DRC3: variants seen among roughly 807,000 people sequenced by gnomAD.
DRC3 encodes the protein dynein regulatory complex subunit 3.
A neutral mutation model predicts 57.6 loss-of-function variants in DRC3; 45 were observed. The observed-to-expected ratio is 0.78, with a 90% CI of 0.62 to 1.00. The LOEUF is 1.00. DRC3 is among the 50% of genes least tolerant of loss of function. The pLI, the probability that DRC3 is intolerant of heterozygous loss-of-function variation, is 0.00. For missense variants in DRC3, 655 were observed against 675.2 expected, an observed-to-expected ratio of 0.97 and a Z score of 0.33; for synonymous variants, 257 against 272.3, an observed-to-expected ratio of 0.94 and a Z score of 0.55.
chr17:17,994,441 G>A (rs766262545), intron 7 of DRC3, 23 bp downstream of exon 7: 20 of 1,548,984 alleles, frequency 1.3e-5, no homozygotes, highest in African/African-American at 2.7e-5. Flanking sequence ...CAGGCTGCAC[G>A]CCCTCGGCCC....
At chr17:17,976,022 A>C (rs952417357) in intron 2 of DRC3, among the ~76,000 whole-genome samples, 2 of 152,164 alleles carry the variant, frequency 1.3e-5, no homozygotes, top group Non-Finnish European at 2.9e-5. Context: ...TTCAGCAGAC[A>C]CCATCAGCCC....
chr17:18,004,598 G>A, intron 10 of DRC3, 104 bp downstream of exon 10: 1 of 1,330,040 alleles, frequency 7.5e-7, no homozygotes, highest in East Asian at 2.5e-5. Context: ...GAAACGTCCA[G>A]CACGACTCAG....
chr17:18,012,275 A>G (rs1033505068), intron 12 of DRC3, among the ~76,000 whole-genome samples: 2 of 152,236 alleles, frequency 1.3e-5, no homozygotes, highest in Admixed American at 1.3e-4. Context: ...CAGTCTCTTC[A>G]ATAGATTTTG....
At chr17:18,010,731 A>T in intron 12 of DRC3, 1 of 192,176 alleles carries the variant, frequency 5.2e-6, no homozygotes, top group Non-Finnish European at 1.1e-5. Context: ...TGGGGCTAGG[A>T]TTGTGGCCAT....
At chr17:17,986,802 A>G (rs529925982) in intron 4 of DRC3, among the ~76,000 whole-genome samples, 5 of 152,152 alleles carry the variant, frequency 3.3e-5, no homozygotes, top group Non-Finnish European at 7.3e-5. Context: ...TGTGGTTATC[A>G]TGCTCATATT....
chr17:18,004,267 C>T (rs1370456630), intron 9 of DRC3, 96 bp from the exon 10 acceptor site: 7 of 1,360,160 alleles, frequency 5.1e-6, no homozygotes, highest in East Asian at 5.0e-5. Flanking sequence ...CAGGCTGACT[C>T]GAGTCCAAAT....
chr17:18,006,350 G>A (rs909446297), intron 11 of DRC3, 97 bp downstream of exon 11: 7 of 903,642 alleles, frequency 7.7e-6, no homozygotes, highest in African/African-American at 6.6e-5. Flanking sequence ...CAGGGTCTGA[G>A]GAGGTTTCCC....
At chr17:17,977,193 A>C (rs981141654) in intron 2 of DRC3, among the ~76,000 whole-genome samples, 1 of 152,226 alleles carries the variant, frequency 6.6e-6, no homozygotes, top group African/African-American at 2.4e-5. Flanking sequence ...CAGGGAGCAC[A>C]GTCAGTGGTT....
In DRC3 at chr17:18,008,092, C is replaced by T. The variant is rs1387192953; in HGVS notation, c.1326+945C>T. On this transcript the variant is annotated intron_variant, in intron 12 of 13. Transcript: ENST00000399187. This position sits in a 1 kb window ranked among gnomAD's most constrained non-coding sequence, Gnocchi z 4.3. ...ACCCTGCCCATCTGGGCGATTCCCA[C>T]CCCCAGAACCCTCACTCCTGATGCT... Among the ~76,000 whole-genome samples, 1 of 152,192 alleles carries T rather than the reference C, an allele frequency of 6.6e-6. No homozygotes were observed. Among genetic ancestry groups the T allele is most frequent in the Admixed American group, 6.5e-5 (1 of 15,284 alleles).
At chr17:18,003,328 C>CA (rs1049560839) in intron 9 of DRC3, among the ~76,000 whole-genome samples, 4 of 150,416 alleles carry the variant, frequency 2.7e-5, no homozygotes, top group African/African-American at 4.9e-5. Context: ...ACTAAAAATA[C>CA]AAAAAAAATT....
intron 12 of DRC3, among the ~76,000 whole-genome samples, chr17:18,014,881 A>T (rs2044299932): frequency 6.6e-6 from 1 of 152,196 alleles, no homozygotes; most frequent in African/African-American, 2.4e-5. Flanking sequence ...AAAGAACTTA[A>T]TAATTTCTTG....
At chr17:17,997,739 A>C in intron 9 of DRC3, 105 bp downstream of exon 9, 1 of 1,071,392 alleles carries the variant, frequency 9.3e-7, no homozygotes. Context: ...CCCTCTGATG[A>C]CCCCTGAGGC....
intron 8 of DRC3, 125 bp downstream of exon 8, chr17:17,995,236 C>T (rs913631135): frequency 9.0e-6 from 6 of 668,032 alleles, no homozygotes; most frequent in African/African-American, 1.8e-5. Flanking sequence ...AAAATCTCCA[C>T]TTGAGAGCAA....
chr17:18,007,788 T>C (rs2044035584), intron 12 of DRC3: 2 of 1,086,622 alleles, frequency 1.8e-6, no homozygotes, highest in Non-Finnish European at 1.1e-6. Flanking sequence ...AGAGATACTA[T>C]GTTGTCAGGG....
At chr17:17,977,827 A>T (rs2042459726) in intron 3 of DRC3, 69 bp downstream of exon 3, 1 of 1,480,362 alleles carries the variant, frequency 6.8e-7, no homozygotes, top group Admixed American at 2.4e-5. Flanking sequence ...TCCATCTTCA[A>T]GCCCCAGGAT....
chr17:17,992,967 A>G, intron 6 of DRC3, 56 bp downstream of exon 6: 1 of 1,598,686 alleles, frequency 6.3e-7, no homozygotes. Context: ...TCAAGCCCCC[A>G]GGTTTCTTGG....
At chr17:18,005,986 A>G in intron 10 of DRC3, 197 bp from the exon 11 acceptor site, 1 of 580,710 alleles carries the variant, frequency 1.7e-6, no homozygotes, top group Non-Finnish European at 3.1e-6. Context: ...GAGGGAGTTA[A>G]TATGGTTGGA....
In DRC3 at chr17:18,016,508, A is replaced by G. The variant is rs562367197; in HGVS notation, c.1459-50A>G. On this transcript the variant is annotated intron_variant, in intron 13 of 13. Coordinates refer to ENST00000399187, the MANE Select transcript of DRC3 (RefSeq NM_031294.4). ...CCTCAAACTGGATTCAGTGAAAGAT[A>G]TTAACCAATGATCTGATGTAAGGAA... is the stretch of plus-strand genomic sequence containing the variant. 26 of 1,321,274 alleles carry G rather than the reference A, an allele frequency of 2.0e-5. No individual in the cohort carries two copies. In the East Asian group the frequency reaches 5.6e-4, roughly 28 times the overall value. The allele number at this position is 1,321,274 out of a possible 1,614,324, so 81.8% of individuals were successfully genotyped here. A position where few individuals can be genotyped will look rare whatever the true frequency, so the allele number is the denominator to read the frequency against.
In DRC3 at chr17:18,016,574, T is replaced by C. The variant is rs766832997; in HGVS notation, c.1475T>C (p.Ile492Thr). The C allele has an allele frequency of 1.9e-6, 3 of 1,613,088 alleles. No individual in the cohort carries two copies. The highest frequency in any genetic ancestry group is 2.5e-6 in the Non-Finnish European group (3 of 1,179,200). Reference sequence around the variant, plus strand: ...ACTCCTCAGATTCACAAGGATGAGATCATGAGGAACCGCAAGCGCGTGAAG... The same window carrying C: ...ACTCCTCAGATTCACAAGGATGAGACCATGAGGAACCGCAAGCGCGTGAAG... ...RLIDRIHKDE[I>T]MRNRKRVKEI... Residue 492 changes from isoleucine (I) to threonine (T), a missense_variant, in exon 14 of 14, where the codon ATC (isoleucine) becomes ACC (threonine). Transcript: ENST00000399187.
Sources: allele counts gnomAD v4.1 joint callset (sites outside exome capture counted in the v4.1 genomes callset), GRCh38; gene constraint gnomAD v4.1.1; non-coding constraint Gnocchi (gnomAD v3.1); transcripts MANE v1.5; gene names NCBI Gene and HGNC (gene_info 2026-07-23, HGNC 2026-07-21).